CCN6: variants seen among roughly 807,000 people sequenced by gnomAD.
The protein encoded by CCN6 is cellular communication network factor 6, also known as CCN family member 6.
CCN6 carries 31 observed loss-of-function variants against 37.4 expected under a neutral mutation model. The observed-to-expected ratio is 0.83, with a 90% CI of 0.62 to 1.12. The LOEUF (loss-of-function observed/expected upper bound fraction) is 1.12, where lower values mean the gene tolerates loss of function less well. Ranked by LOEUF, CCN6 falls within the 50% of genes most tolerant of loss-of-function variation. The probability of loss-of-function intolerance (pLI) is 0.00; values close to 1 mark genes in which losing one functional copy is unlikely to be tolerated. For synonymous variants in CCN6, 137 were observed against 142.1 expected (o/e 0.96, Z 0.26); for missense variants, 369 against 413.8 (o/e 0.89, Z 0.94).
intron 3 of CCN6, among the ~76,000 whole-genome samples, chr6:112,065,852 G>A (rs77938324): frequency 0.022 from 3,276 of 152,220 alleles, 119 homozygotes; most frequent in African/African-American, 0.076. Flanking sequence ...AGGAGTTTCA[G>A]AACCACCAGC....
chr6:112,055,006 T>G (rs587626096), intron 1 of CCN6: 1 of 159,086 alleles, frequency 6.3e-6, no homozygotes, highest in East Asian at 1.8e-4. Flanking sequence ...TTTAACTTAC[T>G]ATGAGCAATT....
At chr6:112,061,356 G>A in intron 2 of CCN6, 68 bp downstream of exon 2, 1 of 1,608,612 alleles carries the variant, frequency 6.2e-7, no homozygotes, top group African/African-American at 1.3e-5. Flanking sequence ...TCCTGCAATT[G>A]TTAGCTTGGA....
At chr6:112,067,976 G>A (rs1776748686) in intron 3 of CCN6, among the ~76,000 whole-genome samples, 1 of 151,994 alleles carries the variant, frequency 6.6e-6, no homozygotes, top group Non-Finnish European at 1.5e-5. Flanking sequence ...CAAAGATAAA[G>A]TATTTTTATT....
chr6:112,068,066 A>T, intron 3 of CCN6, 139 bp from the exon 4 acceptor site: 1 of 703,006 alleles, frequency 1.4e-6, no homozygotes, highest in Non-Finnish European at 2.2e-6. Context: ...GTGATAAATT[A>T]GACCATCGGC....
chr6:112,057,899 G>A (rs1302877890), intron 1 of CCN6, among the ~76,000 whole-genome samples: 1 of 152,158 alleles, frequency 6.6e-6, no homozygotes, highest in Non-Finnish European at 1.5e-5. Flanking sequence ...GGGGGGACCA[G>A]ATGTAATGAA....
chr6:112,064,647 C>A, intron 2 of CCN6, 108 bp from the exon 3 acceptor site: 1 of 1,547,244 alleles, frequency 6.5e-7, no homozygotes. Flanking sequence ...AGGTTGAGAG[C>A]TATACTTCAT....
intron 1 of CCN6, among the ~76,000 whole-genome samples, chr6:112,055,813 C>G (rs1554311668): frequency 6.6e-6 from 1 of 152,176 alleles, no homozygotes; most frequent in Non-Finnish European, 1.5e-5. Flanking sequence ...TGGTCTTGAA[C>G]TCCTGACCTC....
At chr6:112,060,824 G>A (rs782018259) in intron 1 of CCN6, among the ~76,000 whole-genome samples, 167 bp from the exon 2 acceptor site, 5 of 152,136 alleles carry the variant, frequency 3.3e-5, no homozygotes, top group Middle Eastern at 3.2e-3. Context: ...TGGAGGCTGA[G>A]TGAAGAATAG....
At position 112,064,873 on chromosome 6, in the gene CCN6, G is replaced by C; in HGVS notation, c.465G>C (p.Leu155=). 2 of 1,614,106 alleles carry C rather than the reference G, an allele frequency of 1.2e-6. No individual in the cohort carries two copies. Among genetic ancestry groups the C allele is most frequent in the Non-Finnish European group, 1.7e-6 (2 of 1,179,976 alleles). Residue 155 remains leucine, a synonymous_variant, in exon 3 of 5, where the codon CTG becomes CTC. Coordinates refer to ENST00000368666, the MANE Select transcript of CCN6 (RefSeq NM_198239.2). ...CVSGAIGCTP[L]FIPKLAGSHC... ...GTGGGGCCATTGGATGCACACCTCTGTTCATACCAAAGCTGGCTGGCAGTC... is the reference window on the plus strand; with the variant it reads ...GTGGGGCCATTGGATGCACACCTCTCTTCATACCAAAGCTGGCTGGCAGTC...
intron 1 of CCN6, chr6:112,054,663 G>A (rs1776291807): frequency 2.1e-6 from 1 of 471,198 alleles, no homozygotes; most frequent in Non-Finnish European, 3.9e-6. Flanking sequence ...TTTGAACAGC[G>A]CCACGCTTTC....
chr6:112,055,328 A>C (rs1229566135), intron 1 of CCN6, among the ~76,000 whole-genome samples: 4 of 152,128 alleles, frequency 2.6e-5, no homozygotes, highest in African/African-American at 9.7e-5. Flanking sequence ...CTCCTATTCC[A>C]CTGTTCTTGA....
intron 1 of CCN6, among the ~76,000 whole-genome samples, chr6:112,059,085 T>C (rs1583574783): frequency 6.6e-6 from 1 of 152,176 alleles, no homozygotes; most frequent in Non-Finnish European, 1.5e-5. Flanking sequence ...GGTTGCAGTA[T>C]GATTTGGACT....
At chr6:112,061,523 T>C in intron 2 of CCN6, 1 of 569,344 alleles carries the variant, frequency 1.8e-6, no homozygotes, top group Non-Finnish European at 3.1e-6. Context: ...TTGCAGTTCT[T>C]CTCAGGTAAT....
chr6:112,053,261 G>A (rs1430972754), upstream of CCN6, among the ~76,000 whole-genome samples: 1 of 151,610 alleles, frequency 6.6e-6, no homozygotes, highest in Non-Finnish European at 1.5e-5. Flanking sequence ...TGAGTATGAA[G>A]AAGAGGAGTA....
intron 2 of CCN6, among the ~76,000 whole-genome samples, chr6:112,063,211 T>C (rs910060076): frequency 6.6e-6 from 1 of 152,202 alleles, no homozygotes; most frequent in East Asian, 1.9e-4. Flanking sequence ...CACACAGATA[T>C]GTAATTTGAA....
upstream of CCN6, among the ~76,000 whole-genome samples, chr6:112,052,864 G>C (rs1262089027): frequency 1.3e-5 from 2 of 151,938 alleles, no homozygotes; most frequent in African/African-American, 4.8e-5. Flanking sequence ...CAGGTTTTAG[G>C]GTGTCCATGG....
At chr6:112,064,712 A>G in intron 2 of CCN6, 43 bp from the exon 3 acceptor site, 1 of 1,613,454 alleles carries the variant, frequency 6.2e-7, no homozygotes, top group Non-Finnish European at 8.5e-7. Context: ...AGACTATCAC[A>G]GATCATGGCT....
chr6:112,057,412 C>T (rs1398768791), intron 1 of CCN6, among the ~76,000 whole-genome samples: 3 of 152,118 alleles, frequency 2.0e-5, no homozygotes, highest in African/African-American at 2.4e-5. Context: ...GTCAGGAACT[C>T]GTAGTGACGG....
chr6:112,067,102 C>A, intron 3 of CCN6: 1 of 1,194,436 alleles, frequency 8.4e-7, no homozygotes, highest in Middle Eastern at 2.3e-4. Flanking sequence ...TGTCATAACA[C>A]TGAAAGCAGT....
Sources: gnomAD v4.1 joint callset for allele counts (sites outside exome capture counted in the v4.1 genomes callset) on GRCh38, gnomAD v4.1.1 for gene constraint, MANE v1.5 for transcripts, NCBI Gene and HGNC (gene_info 2026-07-23, HGNC 2026-07-21) for gene names.